The following CATSPERG variants were observed in gnomAD, a reference collection of about 807,000 sequenced individuals.
CATSPERG encodes cation channel sperm-associated auxiliary subunit gamma.
CATSPERG carries 115 observed loss-of-function variants against 145.0 expected under a neutral mutation model. The observed-to-expected ratio is 0.79, with a 90% CI of 0.68 to 0.93. CATSPERG has a LOEUF of 0.93. CATSPERG is among the 40% of genes least tolerant of loss of function. The pLI, the probability that CATSPERG is intolerant of heterozygous loss-of-function variation, is 0.00. For missense variants in CATSPERG, 1,296 were observed against 1,490.1 expected (o/e 0.87, Z 2.14); for synonymous variants, 588 against 589.0 (o/e 1.00, Z 0.02).
chr19:38,367,339 C>CAGTT, intron 23 of CATSPERG, 27 bp downstream of exon 23: 1 of 1,602,804 alleles, frequency 6.2e-7, no homozygotes, highest in Non-Finnish European at 8.5e-7. Flanking sequence ...TTCCCCTGCA[C>CAGTT]AGTTCACTGC....
intron 16 of CATSPERG, 114 bp from the exon 17 acceptor site, chr19:38,361,534 G>T: frequency 3.6e-6 from 3 of 825,740 alleles, no homozygotes; most frequent in South Asian, 1.7e-5. Flanking sequence ...TGAGGAGGAA[G>T]ATTCGGGCTG....
At chr19:38,339,033 A>T (rs2145059011) in intron 3 of CATSPERG, among the ~76,000 whole-genome samples, 1 of 152,216 alleles carries the variant, frequency 6.6e-6, no homozygotes, top group Admixed American at 6.5e-5. Context: ...GTGGGACCAG[A>T]GGGCCATTGC....
chr19:38,359,751 A>G (rs998277126), intron 14 of CATSPERG, 170 bp downstream of exon 14: 55 of 1,368,648 alleles, frequency 4.0e-5, no homozygotes, highest in Non-Finnish European at 5.1e-5. Flanking sequence ...ACTCAGGGTA[A>G]GTGTCAGCTC....
At chr19:38,358,706 G>A (rs1326516413) in intron 13 of CATSPERG, 145 bp downstream of exon 13, 4 of 955,282 alleles carry the variant, frequency 4.2e-6, no homozygotes, top group Non-Finnish European at 6.3e-6. Context: ...GGACTGTGAT[G>A]AGGAACACAC....
At chr19:38,356,350 G>C in intron 9 of CATSPERG, 134 bp from the exon 10 acceptor site, 2 of 714,928 alleles carry the variant, frequency 2.8e-6, no homozygotes. Context: ...CCAGGTGTGA[G>C]TGACGAAAGG....
intron 3 of CATSPERG, among the ~76,000 whole-genome samples, chr19:38,341,441 G>A (rs916210524): frequency 4.6e-5 from 7 of 152,200 alleles, no homozygotes; most frequent in Non-Finnish European, 1.0e-4. Context: ...CTCAGGCAGG[G>A]CCAGGGACAG....
At chr19:38,342,957 C>T (rs568259369) in intron 3 of CATSPERG, among the ~76,000 whole-genome samples, 3 of 152,172 alleles carry the variant, frequency 2.0e-5, no homozygotes, top group Non-Finnish European at 4.4e-5. Flanking sequence ...CCATCCTACA[C>T]TCACCCCAAG....
intron 6 of CATSPERG, 77 bp from the exon 7 acceptor site, chr19:38,346,353 GGGCCTTGTGGGTCCAGGTCA>G: frequency 8.7e-7 from 1 of 1,148,468 alleles, no homozygotes; most frequent in Non-Finnish European, 1.2e-6. Context: ...AAATCGCGTG[GGGCCTTGTGGGTCCAGGTCA>G]GGCCTTGGAC....
chr19:38,340,704 C>T (rs570653000), intron 3 of CATSPERG, among the ~76,000 whole-genome samples: 14 of 151,952 alleles, frequency 9.2e-5, no homozygotes, highest in Non-Finnish European at 5.9e-5. Context: ...ATTGCAGCCT[C>T]GACCTCCTGG....
rs373497679 is a variant in CATSPERG, at chr19:38,370,171, G to A, written c.3126G>A (p.Thr1042=). Residue 1042 remains threonine (T), a synonymous_variant, in exon 28 of 29, where the codon ACG becomes ACA. Transcript: ENST00000409235. ...KVLVSNRGVD[T]STYCNYQLTF... ...CCAACCCCTGCAGAGGAGTGGACAC[G>A]AGCACCTACTGCAACTACCAGCTCA... is the stretch of plus-strand genomic sequence containing the variant. 136 of 1,613,728 alleles carry A rather than the reference G, an allele frequency of 8.4e-5. No individual in the cohort carries two copies. The highest frequency in any genetic ancestry group is 2.4e-4 in the East Asian group (11 of 44,898).
At chr19:38,358,745 G>A (rs1600472425) in intron 13 of CATSPERG, among the ~76,000 whole-genome samples, 184 bp downstream of exon 13, 1 of 152,228 alleles carries the variant, frequency 6.6e-6, no homozygotes, top group African/African-American at 2.4e-5. Flanking sequence ...TGGGATGGGG[G>A]AAGCCAATGT....
intron 3 of CATSPERG, among the ~76,000 whole-genome samples, chr19:38,341,950 C>T (rs1600444443): frequency 1.3e-5 from 2 of 151,664 alleles, no homozygotes; most frequent in African/African-American, 4.8e-5. Flanking sequence ...GGTAGTGGTA[C>T]CTGTAGTCCC....
chr19:38,340,802 G>A (rs770133956), intron 3 of CATSPERG, among the ~76,000 whole-genome samples: 10 of 151,856 alleles, frequency 6.6e-5, no homozygotes, highest in Non-Finnish European at 1.3e-4. Flanking sequence ...ATTAGACAGG[G>A]TCTCACTATG....
chr19:38,357,427 G>A (rs935518112), intron 11 of CATSPERG, among the ~76,000 whole-genome samples: 51 of 151,602 alleles, frequency 3.4e-4, no homozygotes, highest in Non-Finnish European at 1.2e-4. Context: ...ATATACCTGA[G>A]GTGGGAGGAT....
At chr19:38,342,216 A>T (rs199806847) in intron 3 of CATSPERG, among the ~76,000 whole-genome samples, 10 of 148,520 alleles carry the variant, frequency 6.7e-5, no homozygotes, top group African/African-American at 2.2e-4. Context: ...TCCCATGTAA[A>T]AAATAAATAA....
At position 38,343,599 on chromosome 19, in the gene CATSPERG, G is replaced by A. The variant is rs1238559379; in HGVS notation, c.344G>A (p.Arg115His). ...CEEKPSEDLV[R>H]MGHLTGLKPL... The stretch of plus-strand genomic sequence containing the variant: ...CCTCAGCCCTCTGAGGACCTGGTGC[G>A]CATGGGCCACCTGACGGGGCTAAAG... The change falls in exon 4 of 29, where the codon CGC becomes CAC. Residue 115 changes from arginine to histidine, a missense_variant. Physicochemically the swap from Arg to His is conservative, Grantham distance 29. Coordinates refer to ENST00000409235, the MANE Select transcript of CATSPERG (RefSeq NM_021185.5). 18 of 1,550,270 alleles carry A rather than the reference G, an allele frequency of 1.2e-5. No individual in the cohort carries two copies. Among genetic ancestry groups the A allele is most frequent in the East Asian group, 9.8e-5 (4 of 40,916 alleles).
intron 20 of CATSPERG, 35 bp downstream of exon 20, chr19:38,362,867 TTTTG>T (rs774932279): frequency 3.1e-5 from 33 of 1,065,822 alleles, no homozygotes; most frequent in South Asian, 7.1e-5. Flanking sequence ...TCAAGGGAGG[TTTTG>T]TTTTTTTTTT....
At chr19:38,352,592 G>A (rs1600461657) in intron 8 of CATSPERG, 160 bp downstream of exon 8, 1 of 509,442 alleles carries the variant, frequency 2.0e-6, no homozygotes, top group Non-Finnish European at 3.4e-6. Flanking sequence ...GCCTTGCCTT[G>A]CCCTTTTTTT....
At chr19:38,362,612 C>A (rs1488678575) in intron 19 of CATSPERG, 38 bp downstream of exon 19, 3 of 1,605,562 alleles carry the variant, frequency 1.9e-6, no homozygotes, top group Non-Finnish European at 1.7e-6. Context: ...AAGGGCGGGG[C>A]GAGGGCTACC....
Sources: gnomAD v4.1 joint callset for allele counts (sites outside exome capture counted in the v4.1 genomes callset) on GRCh38, gnomAD v4.1.1 for gene constraint, MANE v1.5 for transcripts, NCBI Gene and HGNC (gene_info 2026-07-23, HGNC 2026-07-21) for gene names.